Variants in P2RY14 observed in about 807,000 individuals in gnomAD.
The protein encoded by P2RY14 is purinergic receptor P2Y14.
A neutral mutation model predicts 0.9 loss-of-function variants in P2RY14; 2 were observed. That is an observed-to-expected ratio of 2.16 (90% CI 0.88 to 6.79). The LOEUF (loss-of-function observed/expected upper bound fraction) is 6.79, where lower values mean the gene tolerates loss of function less well. P2RY14 is among the 30% of genes most tolerant of loss of function. The pLI is 0.05. For missense variants in P2RY14, 378 were observed against 400.1 expected, an observed-to-expected ratio of 0.94 and a Z score of 0.47; for synonymous variants, 158 against 147.2, an observed-to-expected ratio of 1.07 and a Z score of -0.53.
chr3:151,237,065 T>G (rs1450144280), intron 1 of P2RY14, among the ~76,000 whole-genome samples: 2 of 150,866 alleles, frequency 1.3e-5, no homozygotes, highest in Non-Finnish European at 3.0e-5. Flanking sequence ...TTTTTTTTTT[T>G]TGAGACGGAA....
chr3:151,218,385 G>A (rs1728642462), intron 2 of P2RY14, among the ~76,000 whole-genome samples: 1 of 152,184 alleles, frequency 6.6e-6, no homozygotes, highest in South Asian at 2.1e-4. Context: ...GCAGTCTGGT[G>A]AGCCAGTTTG....
chr3:151,277,831 A>G (rs1343792935), intron 1 of P2RY14, among the ~76,000 whole-genome samples: 5 of 152,256 alleles, frequency 3.3e-5, no homozygotes, highest in African/African-American at 1.2e-4. Context: ...TTTTACCTAT[A>G]TAAGTGTATG....
chr3:151,264,170 G>A (rs1390947048), intron 1 of P2RY14, among the ~76,000 whole-genome samples: 1 of 152,142 alleles, frequency 6.6e-6, no homozygotes, highest in East Asian at 1.9e-4. Context: ...CTCTGTACTT[G>A]TATTTCCTTG....
At chr3:151,247,771 AAG>A (rs1553757510) in intron 1 of P2RY14, among the ~76,000 whole-genome samples, 37 of 151,254 alleles carry the variant, frequency 2.4e-4, no homozygotes, top group Middle Eastern at 6.8e-3. Context: ...TAAAAAAAAA[AAG>A]CAAAAAAAAA....
chr3:151,243,707 A>G (rs1734737642), intron 1 of P2RY14, among the ~76,000 whole-genome samples: 1 of 152,110 alleles, frequency 6.6e-6, no homozygotes, highest in South Asian at 2.1e-4. Flanking sequence ...AACTGCATCA[A>G]CTAACGAGCA....
intron 1 of P2RY14, among the ~76,000 whole-genome samples, chr3:151,238,898 C>T (rs568477726): frequency 2.2e-4 from 33 of 152,128 alleles, no homozygotes; most frequent in Non-Finnish European, 4.3e-4. Flanking sequence ...TTTCATGGAA[C>T]ACCATTTTTA....
At chr3:151,229,808 C>T (rs1234383915) in intron 1 of P2RY14, among the ~76,000 whole-genome samples, 1 of 152,070 alleles carries the variant, frequency 6.6e-6, no homozygotes, top group Non-Finnish European at 1.5e-5. Flanking sequence ...TTAACTAGAG[C>T]ATGCAACAAT....
At chr3:151,254,649 T>G (rs986802103) in intron 1 of P2RY14, among the ~76,000 whole-genome samples, 1 of 152,242 alleles carries the variant, frequency 6.6e-6, no homozygotes, top group Non-Finnish European at 1.5e-5. Flanking sequence ...GAGAGAAATG[T>G]GAAGTCCAAG....
intron 1 of P2RY14, among the ~76,000 whole-genome samples, chr3:151,233,142 A>G (rs780426676): frequency 3.3e-5 from 5 of 151,956 alleles, no homozygotes; most frequent in Non-Finnish European, 7.4e-5. Context: ...GAACATCTCT[A>G]GTTTCTGCAG....
At chr3:151,234,550 T>C (rs1006685698) in intron 1 of P2RY14, among the ~76,000 whole-genome samples, 1 of 152,206 alleles carries the variant, frequency 6.6e-6, no homozygotes, top group Non-Finnish European at 1.5e-5. Flanking sequence ...TGGTTCATAG[T>C]AGGTGCTGTA....
chr3:151,272,728 G>A (rs545026102), intron 1 of P2RY14, among the ~76,000 whole-genome samples: 13 of 152,248 alleles, frequency 8.5e-5, no homozygotes, highest in African/African-American at 2.6e-4. Flanking sequence ...ATGGCTTGAA[G>A]TGTGGAGTTG....
intron 1 of P2RY14, among the ~76,000 whole-genome samples, chr3:151,248,159 A>G (rs1330670689): frequency 6.6e-6 from 1 of 152,034 alleles, no homozygotes; most frequent in Non-Finnish European, 1.5e-5. Context: ...TTTGTTATTT[A>G]AATGTTTAAC....
chr3:151,233,809 C>G (rs905424349), intron 1 of P2RY14, among the ~76,000 whole-genome samples: 6 of 152,242 alleles, frequency 3.9e-5, no homozygotes, highest in Admixed American at 3.3e-4. Context: ...GTTCCTGTTC[C>G]TCCTCTGCCA....
At chr3:151,230,022 T>C (rs1386407588) in intron 1 of P2RY14, among the ~76,000 whole-genome samples, 1 of 152,070 alleles carries the variant, frequency 6.6e-6, no homozygotes, top group Non-Finnish European at 1.5e-5. Context: ...CAGGCTGGAG[T>C]GCAGTGGTGC....
intron 1 of P2RY14, chr3:151,269,737 A>G (rs1346440075): frequency 4.8e-6 from 2 of 419,468 alleles, no homozygotes; most frequent in Non-Finnish European, 9.3e-6. Context: ...AGTTCTCTCC[A>G]AGGAATTTCA....
At chr3:151,218,286 C>T (rs188597588) in intron 2 of P2RY14, among the ~76,000 whole-genome samples, 2 of 152,250 alleles carry the variant, frequency 1.3e-5, no homozygotes, top group Admixed American at 1.3e-4. Context: ...TCATGCCAGT[C>T]CATTAAAGAG....
intron 1 of P2RY14, among the ~76,000 whole-genome samples, chr3:151,225,499 ACG>A: frequency 6.6e-6 from 1 of 152,280 alleles, no homozygotes; most frequent in African/African-American, 2.4e-5. Flanking sequence ...TAATTTGCTC[ACG>A]AGGCCTTTGC....
At chr3:151,270,022 A>G (rs1740582946) in intron 1 of P2RY14, 1 of 251,656 alleles carries the variant, frequency 4.0e-6, no homozygotes, top group Non-Finnish European at 7.7e-6. Context: ...GAGATAAATG[A>G]TGAAGAAGGA....
At chr3:151,241,054 C>T (rs567937318) in intron 1 of P2RY14, among the ~76,000 whole-genome samples, 22 of 152,160 alleles carry the variant, frequency 1.4e-4, no homozygotes, top group African/African-American at 4.3e-4. Context: ...GCTTTAAAAA[C>T]GGGGGACTAT....
Sources: gnomAD v4.1 joint callset for allele counts (sites outside exome capture counted in the v4.1 genomes callset) on GRCh38, gnomAD v4.1.1 for gene constraint, MANE v1.5 for transcripts, NCBI Gene and HGNC (gene_info 2026-07-23, HGNC 2026-07-21) for gene names.